Variants in LY86 observed in about 807,000 individuals in gnomAD.
LY86 encodes the protein lymphocyte antigen 86, also known as MD-1, RP105-associated.
In LY86, 20 loss-of-function variants were observed where a neutral mutation model predicts 17.3. The ratio of observed to expected loss-of-function variants is 1.15; its 90% CI spans 0.81 to 1.68. The LOEUF is 1.68. Ranked by LOEUF, LY86 falls within the 40% of genes most tolerant of loss-of-function variation. LY86 has a pLI of 0.00. For missense variants in LY86, 200 were observed against 191.9 expected (o/e 1.04, Z -0.25); for synonymous variants, 74 against 70.6 (o/e 1.05, Z -0.24).
chr6:6,653,379 C>T (rs1762215539), intron 4 of LY86, among the ~76,000 whole-genome samples: 1 of 152,168 alleles, frequency 6.6e-6, no homozygotes, highest in African/African-American at 2.4e-5. Flanking sequence ...GTCTCCTGGC[C>T]TCCTCTGCCA....
Position 6,624,977 on chromosome 6 carries a change from A to AATCAAATAT in LY86, c.189_197dup (p.Ser64_Ile66dup). ...GTTGAAAAGTGTTCCAAGCAATTAA[A>AATCAAATAT]ATCAAATATCAACATTAGATTTGGA... On this transcript the variant is annotated inframe_insertion, in exon 2 of 5. Coordinates refer to ENST00000230568, the MANE Select transcript of LY86 (RefSeq NM_004271.4). 6.4e-7 allele frequency: 1 copy of AATCAAATAT among 1,558,276 alleles called. No homozygotes were observed. The highest frequency in any genetic ancestry group is 8.8e-7 in the Non-Finnish European group (1 of 1,137,068).
chr6:6,653,546 T>C lies in LY86; in HGVS notation c.406-998T>C, dbSNP rs115451208. Among the ~76,000 whole-genome samples, 695 of 152,272 alleles carry C rather than the reference T, an allele frequency of 4.6e-3. 6 individuals are homozygous for C. Among genetic ancestry groups the C allele is most frequent in the African/African-American group, 0.016 (664 of 41,544 alleles). On this transcript the variant is annotated intron_variant, in intron 4 of 4. Coordinates refer to ENST00000230568, the MANE Select transcript of LY86 (RefSeq NM_004271.4). ...CAGAATGGCTCTTCTACAGTCCTCA[T>C]AGGACCTGGCTGCCAGGTGGCTTCT...
At position 6,596,960 on chromosome 6, in the gene LY86, C is replaced by T. The variant is rs533674299; in HGVS notation, c.136+8090C>T. 5.0e-4 allele frequency among the ~76,000 whole-genome samples: 76 copies of T among 152,240 alleles called. 1 individual carries two copies. The highest frequency in any genetic ancestry group is 1.7e-3 in the African/African-American group (71 of 41,562). On this transcript the variant is annotated intron_variant, in intron 1 of 4. Coordinates refer to ENST00000230568, the MANE Select transcript of LY86 (RefSeq NM_004271.4). ...CTTCTGCAGGCAGGAAACGTTTTCC[C>T]AAACGCTGTTCACAGCTATTTCCAT...
At chr6:6,593,997 C>T (rs9504859) in intron 1 of LY86, among the ~76,000 whole-genome samples, 33 of 152,348 alleles carry the variant, frequency 2.2e-4, no homozygotes, top group African/African-American at 7.5e-4. Flanking sequence ...TGTGGGCAAT[C>T]CTCCATAAAT....
chr6:6,653,780 T>C (rs1210439542), intron 4 of LY86, among the ~76,000 whole-genome samples: 2 of 152,188 alleles, frequency 1.3e-5, no homozygotes, highest in African/African-American at 2.4e-5. Flanking sequence ...ACCCATTTCT[T>C]TCTCTCCCAC....
At chr6:6,635,995 A>G (rs1036725423) in intron 3 of LY86, among the ~76,000 whole-genome samples, 15 of 152,234 alleles carry the variant, frequency 9.9e-5, no homozygotes, top group Non-Finnish European at 4.4e-5. Context: ...AGCCCAGTCC[A>G]GTGGTTCTCA....
intron 1 of LY86, among the ~76,000 whole-genome samples, chr6:6,623,745 G>A (rs1234399229): frequency 2.0e-5 from 3 of 152,208 alleles, no homozygotes; most frequent in African/African-American, 4.8e-5. Context: ...ACAAGGCTCA[G>A]CTATTAGTAC....
intron 1 of LY86, among the ~76,000 whole-genome samples, chr6:6,616,441 C>T (rs1230897558): frequency 6.6e-6 from 1 of 152,238 alleles, no homozygotes; most frequent in East Asian, 1.9e-4. Context: ...GAGGAAGTCA[C>T]TTCCCTGCCT....
At chr6:6,607,976 C>CA (rs1455865753) in intron 1 of LY86, among the ~76,000 whole-genome samples, 4 of 152,100 alleles carry the variant, frequency 2.6e-5, no homozygotes, top group African/African-American at 7.2e-5. Flanking sequence ...TCTTACAAAA[C>CA]AAAAAAATGA....
chr6:6,606,494 C>T (rs1977087), intron 1 of LY86, among the ~76,000 whole-genome samples: 134,810 of 152,200 alleles, frequency 0.89, 59,794 homozygotes, highest in Middle Eastern at 0.95. Context: ...CTTGGGTGGT[C>T]GATGGGACCG....
At chr6:6,614,101 C>A (rs6925692) in intron 1 of LY86, among the ~76,000 whole-genome samples, 30,947 of 152,078 alleles carry the variant, frequency 0.2, 3,436 homozygotes, top group East Asian at 0.33. Context: ...AGAAGAAAAT[C>A]AGTGTTTAGG....
At chr6:6,602,683 G>A (rs551666886) in intron 1 of LY86, among the ~76,000 whole-genome samples, 5 of 152,238 alleles carry the variant, frequency 3.3e-5, no homozygotes, top group African/African-American at 9.6e-5. Flanking sequence ...ACCCTGGGGA[G>A]CCCTTGTGAA....
chr6:6,614,968 C>T (rs1033470869), intron 1 of LY86, among the ~76,000 whole-genome samples: 2 of 152,146 alleles, frequency 1.3e-5, no homozygotes, highest in Non-Finnish European at 2.9e-5. Context: ...TAAGCGGAGG[C>T]GGCTGCCTCT....
chr6:6,597,084 A>AT lies in LY86; in HGVS notation c.136+8219dup, dbSNP rs1156473481. Among the ~76,000 whole-genome samples the AT allele has an allele frequency of 2.0e-5, 3 of 152,316 alleles. No homozygotes were observed. In the South Asian group the frequency reaches 6.2e-4, roughly 32 times the overall value. ...AGGGCTGTCCTCCAGCCCAGCAGCT[A>AT]TTTTTGTAGAAACTACAGCATAGGC... On this transcript the variant is annotated intron_variant, in intron 1 of 4. Transcript: ENST00000230568.
intron 3 of LY86, 143 bp from the exon 4 acceptor site, chr6:6,649,482 A>AG: frequency 2.3e-6 from 1 of 427,476 alleles, no homozygotes; most frequent in Non-Finnish European, 4.1e-6. Context: ...GGTGTAGATC[A>AG]GGAAATGAAA....
chr6:6,620,785 T>C (rs1761655526), intron 1 of LY86: 1 of 152,302 alleles, frequency 6.6e-6, no homozygotes, highest in Non-Finnish European at 1.5e-5. Context: ...CAAACGCTGC[T>C]CACTCTAAAC....
intron 1 of LY86, among the ~76,000 whole-genome samples, chr6:6,605,600 G>C (rs1029386722): frequency 3.3e-5 from 5 of 152,272 alleles, no homozygotes; most frequent in South Asian, 2.1e-4. Flanking sequence ...ATAGTCTCAT[G>C]ACATTGCAGC....
chr6:6,623,694 T>C (rs1386380588), intron 1 of LY86, among the ~76,000 whole-genome samples: 2 of 152,188 alleles, frequency 1.3e-5, no homozygotes, highest in African/African-American at 2.4e-5. Flanking sequence ...CTGCTAGGTG[T>C]TGGGGAACCT....
intron 1 of LY86, among the ~76,000 whole-genome samples, chr6:6,603,412 C>T (rs1008896986): frequency 2.6e-5 from 4 of 151,764 alleles, no homozygotes; most frequent in African/African-American, 9.7e-5. Context: ...GGGCAGTCTT[C>T]TTGTCTACAT....
Sources: allele counts gnomAD v4.1 joint callset (sites outside exome capture counted in the v4.1 genomes callset), GRCh38; gene constraint gnomAD v4.1.1; transcripts MANE v1.5; gene names NCBI Gene and HGNC (gene_info 2026-07-23, HGNC 2026-07-21).